Variants in FAM163A observed in about 807,000 individuals in gnomAD.
FAM163A encodes protein FAM163A.
Under a neutral mutation model 12.0 loss-of-function variants are expected in FAM163A, and 7 were observed. The ratio of observed to expected loss-of-function variants is 0.58; its 90% CI spans 0.33 to 1.10. The LOEUF (loss-of-function observed/expected upper bound fraction) is 1.10. Among genes scored for constraint, FAM163A ranks in the 50% least tolerant of loss-of-function variants. The pLI, the probability that FAM163A is intolerant of heterozygous loss-of-function variation, is 0.03. For synonymous variants in FAM163A, 101 were observed against 91.0 expected (o/e 1.11, Z -0.62); for missense variants, 202 against 218.6 (o/e 0.92, Z 0.48).
the FAM163A span, among the ~76,000 whole-genome samples, chr1:179,737,985 T>A: frequency 2.6e-5 from 4 of 152,226 alleles, no homozygotes; most frequent in Non-Finnish European, 5.9e-5. Context: ...TTTACATGGA[T>A]GAGCTTGGAG....
intron 1 of FAM163A, among the ~76,000 whole-genome samples, chr1:179,768,103 T>A (rs1289568438): frequency 6.6e-6 from 1 of 152,246 alleles, no homozygotes; most frequent in Non-Finnish European, 1.5e-5. Context: ...ATGGTATTTG[T>A]TCTTTTGTGA....
At chr1:179,810,494 G>C (rs1018911524) in intron 2 of FAM163A, among the ~76,000 whole-genome samples, 1 of 152,232 alleles carries the variant, frequency 6.6e-6, no homozygotes, top group East Asian at 1.9e-4. Flanking sequence ...CAGATCCCTC[G>C]CAGTTCCTGG....
intron 1 of FAM163A, among the ~76,000 whole-genome samples, chr1:179,807,225 C>G (rs1694062131): frequency 6.6e-6 from 1 of 152,192 alleles, no homozygotes; most frequent in Admixed American, 6.5e-5. Flanking sequence ...CCCTGCCTCC[C>G]CCTCCACCAT....
At position 179,814,301 on chromosome 1, in the gene FAM163A, T is replaced by A; in HGVS notation, c.*112T>A. On this transcript the variant is annotated 3_prime_UTR_variant, in exon 5 of 5. Transcript: ENST00000341785. Reference sequence around the variant, plus strand: ...CATGGGTTGTTTCTGTTTCTTTGGCTTTTCTCGCTCCGCAGTGGAGGGTTT... The same window carrying A: ...CATGGGTTGTTTCTGTTTCTTTGGCATTTCTCGCTCCGCAGTGGAGGGTTT... 1 of 1,384,686 alleles carries A rather than the reference T, an allele frequency of 7.2e-7. No individual in the cohort carries two copies. Among genetic ancestry groups the A allele is most frequent in the Non-Finnish European group, 9.7e-7 (1 of 1,031,300 alleles). 85.8% of individuals were successfully genotyped at this position (1,384,686 alleles called of 1,614,324 possible). A position where few individuals can be genotyped will look rare whatever the true frequency, so the allele number is the denominator to read the frequency against.
Position 179,815,906 on chromosome 1 carries a change from G to A in FAM163A, c.*1717G>A, listed in dbSNP as rs1207367838. 3 of 152,200 alleles carry A rather than the reference G, an allele frequency of 2.0e-5. No homozygotes were observed. Among genetic ancestry groups the A allele is most frequent in the African/African-American group, 7.2e-5 (3 of 41,408 alleles). The allele number at this position is 152,200 out of a possible 1,614,324, so 9.4% of individuals were successfully genotyped here. ...ATCTGGAATCAAAGTGCCCTGGGTT[G>A]AGAAGCAGACCTGGGCTCTGGTCAC... On this transcript the variant is annotated 3_prime_UTR_variant, in exon 5 of 5. Coordinates refer to ENST00000341785, the MANE Select transcript of FAM163A (RefSeq NM_173509.3).
At chr1:179,803,760 G>A (rs541688311) in intron 1 of FAM163A, among the ~76,000 whole-genome samples, 1 of 151,530 alleles carries the variant, frequency 6.6e-6, no homozygotes, top group African/African-American at 2.4e-5. Flanking sequence ...ATAGAGACAG[G>A]ATTTCACCAT....
At chr1:179,769,168 C>T (rs1211501672) in intron 1 of FAM163A, among the ~76,000 whole-genome samples, 1 of 152,090 alleles carries the variant, frequency 6.6e-6, no homozygotes, top group South Asian at 2.1e-4. Context: ...TACTTTGAGA[C>T]AAGATCTCGC....
At chr1:179,781,933 C>CAAAA (rs58962319) in intron 1 of FAM163A, among the ~76,000 whole-genome samples, 9 of 119,388 alleles carry the variant, frequency 7.5e-5, no homozygotes, top group Admixed American at 2.0e-4. Context: ...GAATCCGTAT[C>CAAAA]AAAAAAAAAA....
chr1:179,777,509 T>C (rs1216317394), intron 1 of FAM163A, among the ~76,000 whole-genome samples: 1 of 152,168 alleles, frequency 6.6e-6, no homozygotes, highest in African/African-American at 2.4e-5. Flanking sequence ...TCAGACCTCC[T>C]GGACTCTGGG....
At chr1:179,810,604 C>T (rs576870877) in intron 2 of FAM163A, among the ~76,000 whole-genome samples, 2 of 152,308 alleles carry the variant, frequency 1.3e-5, no homozygotes, top group African/African-American at 4.8e-5. Context: ...CAATACAACA[C>T]CTGCAGTGGA....
chr1:179,778,514 A>C (rs1689287307), intron 1 of FAM163A, among the ~76,000 whole-genome samples: 1 of 152,220 alleles, frequency 6.6e-6, no homozygotes, highest in Non-Finnish European at 1.5e-5. Flanking sequence ...AGTGGAGTAG[A>C]GCATCGCATG....
rs77531717 is a variant in FAM163A, at chr1:179,755,531, G to A, written c.-136+12108G>A. Among the ~76,000 whole-genome samples, 791 of 152,338 alleles carry A rather than the reference G, an allele frequency of 5.2e-3. 6 individuals carry two copies. The highest frequency in any genetic ancestry group is 0.018 in the African/African-American group (755 of 41,566). ...AATGCTAAAGTTCTCAGTGAGTGGAGAAGAGTTGGCAGTGGGATCGGGGTT... is the reference window on the plus strand; with the variant it reads ...AATGCTAAAGTTCTCAGTGAGTGGAAAAGAGTTGGCAGTGGGATCGGGGTT... On this transcript the variant is annotated intron_variant, in intron 1 of 4. Transcript: ENST00000341785.
At chr1:179,778,322 TGAAAATGG>T (rs1410584146) in intron 1 of FAM163A, among the ~76,000 whole-genome samples, 1 of 151,954 alleles carries the variant, frequency 6.6e-6, no homozygotes, top group Non-Finnish European at 1.5e-5. Flanking sequence ...GCTGATCAGG[TGAAAATGG>T]GTGAGCCCAA....
intron 1 of FAM163A, among the ~76,000 whole-genome samples, chr1:179,769,769 A>G (rs7549263): frequency 0.11 from 17,321 of 152,150 alleles, 1,088 homozygotes; most frequent in Non-Finnish European, 0.13. Context: ...CTGGACCTAG[A>G]GTGCTTCTCC....
intron 1 of FAM163A, among the ~76,000 whole-genome samples, chr1:179,779,942 T>G (rs1331319505): frequency 6.6e-6 from 1 of 152,256 alleles, no homozygotes; most frequent in East Asian, 1.9e-4. Flanking sequence ...GAAGGTTGTT[T>G]TGAGCTTTAT....
Position 179,759,206 on chromosome 1 carries a change from G to A in FAM163A, c.-136+15783G>A, listed in dbSNP as rs151088238. ...AGCATCCCTGGCCTCTGCCCCTAGA[G>A]ACTAATAGTTTACTTCCCAGTTTTA... On this transcript the variant is annotated intron_variant, in intron 1 of 4. Coordinates refer to ENST00000341785, the MANE Select transcript of FAM163A (RefSeq NM_173509.3). Among the ~76,000 whole-genome samples, 675 of 152,260 alleles carry A rather than the reference G, an allele frequency of 4.4e-3. 9 individuals carry two copies. Among genetic ancestry groups the A allele is most frequent in the African/African-American group, 0.016 (649 of 41,542 alleles).
chr1:179,768,505 A>C (rs1225152890), intron 1 of FAM163A, among the ~76,000 whole-genome samples: 4 of 152,246 alleles, frequency 2.6e-5, no homozygotes, highest in African/African-American at 9.6e-5. Context: ...TAGAGGCTGC[A>C]GGGGCAAGTG....
intron 1 of FAM163A, among the ~76,000 whole-genome samples, chr1:179,763,349 A>G (rs901336348): frequency 1.3e-5 from 2 of 152,172 alleles, no homozygotes; most frequent in Non-Finnish European, 2.9e-5. Context: ...TCAGCTCAAA[A>G]TCATCCTTAT....
the FAM163A span, among the ~76,000 whole-genome samples, chr1:179,731,962 C>A: frequency 3.3e-5 from 5 of 152,260 alleles, no homozygotes; most frequent in Admixed American, 6.5e-5. Context: ...TATACTCTAT[C>A]CCCATGTGTA....
Sources: allele counts gnomAD v4.1 joint callset (sites outside exome capture counted in the v4.1 genomes callset), GRCh38; gene constraint gnomAD v4.1.1; transcripts MANE v1.5; gene names NCBI Gene and HGNC (gene_info 2026-07-23, HGNC 2026-07-21).